Variants in DNER observed in about 807,000 individuals in gnomAD.
DNER encodes delta and Notch-like epidermal growth factor-related receptor.
DNER carries 33 observed loss-of-function variants against 78.2 expected under a neutral mutation model. The observed-to-expected ratio is 0.42, with a 90% confidence interval of 0.32 to 0.56. DNER has a LOEUF of 0.56. Among genes scored for constraint, DNER ranks in the 20% least tolerant of loss-of-function variants. DNER has a pLI of 0.11. For synonymous variants in DNER, 417 were observed against 384.8 expected, an observed-to-expected ratio of 1.08 and a Z score of -0.98; for missense variants, 918 against 975.3, an observed-to-expected ratio of 0.94 and a Z score of 0.78.
intron 1 of DNER, among the ~76,000 whole-genome samples, chr2:229,594,766 G>A (rs1445876717): frequency 6.6e-6 from 1 of 151,976 alleles, no homozygotes; most frequent in Non-Finnish European, 1.5e-5. Flanking sequence ...TTCCTGTAGA[G>A]AAGGCAGAAG....
intron 10 of DNER, among the ~76,000 whole-genome samples, chr2:229,391,052 C>T (rs956391394): frequency 3.3e-5 from 5 of 152,128 alleles, no homozygotes; most frequent in African/African-American, 9.7e-5. Flanking sequence ...AATGATGGAG[C>T]CCCTCAAGGG....
At chr2:229,382,915 C>G (rs1028030843) in intron 11 of DNER, among the ~76,000 whole-genome samples, 1 of 152,052 alleles carries the variant, frequency 6.6e-6, no homozygotes, top group Non-Finnish European at 1.5e-5. Context: ...ACAGAGAACA[C>G]CACAAAGATA....
intron 6 of DNER, among the ~76,000 whole-genome samples, chr2:229,500,601 A>G (rs1453787778): frequency 1.3e-5 from 2 of 152,210 alleles, no homozygotes; most frequent in Non-Finnish European, 2.9e-5. Context: ...TTGTAGCATT[A>G]TTTACGAATA....
At chr2:229,476,447 G>T (rs1047510864) in intron 7 of DNER, among the ~76,000 whole-genome samples, 13 of 152,108 alleles carry the variant, frequency 8.5e-5, no homozygotes, top group Non-Finnish European at 1.8e-4. Context: ...CTCTGCAGAG[G>T]ATGTGACTCT....
intron 5 of DNER, among the ~76,000 whole-genome samples, chr2:229,541,079 G>A (rs1696503531): frequency 6.6e-6 from 1 of 152,216 alleles, no homozygotes; most frequent in Non-Finnish European, 1.5e-5. Context: ...ATCCTTGGAT[G>A]AAAAGATGTT....
chr2:229,387,886 TGTGTG>T (rs796225973), intron 11 of DNER, among the ~76,000 whole-genome samples: 2 of 126,452 alleles, frequency 1.6e-5, no homozygotes, highest in African/African-American at 5.4e-5. Flanking sequence ...TGTGTGTGTG[TGTGTG>T]TTTTTTAATT....
intron 1 of DNER, among the ~76,000 whole-genome samples, chr2:229,665,428 G>C (rs953262308): frequency 3.3e-5 from 5 of 152,126 alleles, no homozygotes; most frequent in African/African-American, 1.2e-4. Context: ...GAGGAAATGG[G>C]CAAGCAACCA....
chr2:229,387,560 A>AAAGG (rs1692913702), intron 11 of DNER, among the ~76,000 whole-genome samples: 1 of 146,440 alleles, frequency 6.8e-6, no homozygotes, highest in African/African-American at 2.5e-5. Flanking sequence ...AGAAAGAAAG[A>AAAGG]AAGAAAGAAA....
In DNER at chr2:229,510,190, G is replaced by A. The variant is rs545164017; in HGVS notation, c.1147+2593C>T. Among the ~76,000 whole-genome samples, 4 of 152,092 alleles carry A rather than the reference G, an allele frequency of 2.6e-5. No individual in the cohort carries two copies. In the East Asian group the frequency reaches 7.7e-4, roughly 29 times the overall value. On this transcript the variant is annotated intron_variant, in intron 6 of 12. Coordinates refer to ENST00000341772, the MANE Select transcript of DNER (RefSeq NM_139072.4). ...GAGACATGGGGGTGAGATAGGGCTGGAAAAGCAGGCAAAAGACATATCCTG... is the reference window on the plus strand; with the variant it reads ...GAGACATGGGGGTGAGATAGGGCTGAAAAAGCAGGCAAAAGACATATCCTG...
intron 8 of DNER, among the ~76,000 whole-genome samples, chr2:229,418,519 G>A (rs1374283742): frequency 3.3e-5 from 5 of 152,178 alleles, no homozygotes; most frequent in African/African-American, 1.2e-4. Flanking sequence ...GCTGGTGTTA[G>A]GGTGATCCAG....
chr2:229,513,065 C>G (rs1406487402), intron 5 of DNER, 129 bp from the exon 6 acceptor site: 1 of 1,041,680 alleles, frequency 9.6e-7, no homozygotes, highest in African/African-American at 1.6e-5. Context: ...TCACTTATGT[C>G]ATAATCTAGT....
At chr2:229,394,568 ATG>A (rs1693091121) in intron 10 of DNER, among the ~76,000 whole-genome samples, 2 of 152,156 alleles carry the variant, frequency 1.3e-5, no homozygotes, top group Non-Finnish European at 1.5e-5. Context: ...AGCCACTTCT[ATG>A]TGGAGTGGTG....
intron 1 of DNER, among the ~76,000 whole-genome samples, chr2:229,615,570 G>C (rs987029803): frequency 6.6e-6 from 1 of 152,060 alleles, no homozygotes; most frequent in South Asian, 2.1e-4. Flanking sequence ...AAATTAGCCG[G>C]AAGTGGTGGT....
At chr2:229,358,799 A>T in intron 12 of DNER, 148 bp from the exon 13 acceptor site, 6 of 637,116 alleles carry the variant, frequency 9.4e-6, no homozygotes, top group East Asian at 2.8e-5. Flanking sequence ...AGACATCCTA[A>T]TATTAACACT....
intron 7 of DNER, among the ~76,000 whole-genome samples, chr2:229,455,324 A>G (rs1436479428): frequency 1.3e-5 from 2 of 152,198 alleles, no homozygotes; most frequent in Non-Finnish European, 2.9e-5. Flanking sequence ...TTTCTTACCT[A>G]CAAAATGGTG....
intron 1 of DNER, among the ~76,000 whole-genome samples, chr2:229,694,086 G>T (rs951762832): frequency 1.3e-5 from 2 of 152,208 alleles, no homozygotes; most frequent in Non-Finnish European, 2.9e-5. Context: ...GGCTAAAAGG[G>T]GCAAATGTAC....
At chr2:229,454,350 A>C (rs1157445967) in intron 7 of DNER, among the ~76,000 whole-genome samples, 1 of 152,220 alleles carries the variant, frequency 6.6e-6, no homozygotes, top group Admixed American at 6.5e-5. Context: ...TATGGAACAG[A>C]CTTGAAAGAG....
chr2:229,479,302 A>C (rs7569251), intron 6 of DNER, among the ~76,000 whole-genome samples: 1 of 152,258 alleles, frequency 6.6e-6, no homozygotes, highest in South Asian at 2.1e-4. Flanking sequence ...CTAAGGTTAC[A>C]CTTAAGGCAC....
intron 11 of DNER, among the ~76,000 whole-genome samples, chr2:229,367,470 G>A (rs1692377213): frequency 6.6e-6 from 1 of 151,912 alleles, no homozygotes; most frequent in Admixed American, 6.6e-5. Flanking sequence ...GCGTGGTGGT[G>A]GATGTCTGTA....
Sources: gnomAD v4.1 joint callset for allele counts (sites outside exome capture counted in the v4.1 genomes callset) on GRCh38, gnomAD v4.1.1 for gene constraint, MANE v1.5 for transcripts, NCBI Gene and HGNC (gene_info 2026-07-23, HGNC 2026-07-21) for gene names.